The following ROBO1 variants were observed in gnomAD, a reference collection of about 807,000 sequenced individuals.
ROBO1 encodes roundabout homolog 1.
A neutral mutation model predicts 195.9 loss-of-function variants in ROBO1; 149 were observed. That is an observed-to-expected ratio of 0.76 (90% confidence interval 0.67 to 0.87). ROBO1 has a LOEUF of 0.87. Ranked by LOEUF, ROBO1 falls within the 40% of genes least tolerant of loss-of-function variation. ROBO1 has a pLI of 0.00. For missense variants in ROBO1, 1,933 were observed against 2,068.3 expected, an observed-to-expected ratio of 0.93 and a Z score of 1.27; for synonymous variants, 816 against 733.2, an observed-to-expected ratio of 1.11 and a Z score of -1.82.
At chr3:78,717,200 G>A (rs779779720) in intron 7 of ROBO1, 75 bp downstream of exon 7, 17 of 1,433,318 alleles carry the variant, frequency 1.2e-5, no homozygotes, top group South Asian at 2.9e-5. Flanking sequence ...CTAATGGCCC[G>A]GATGTGGAGA....
rs2038845035 is a variant in ROBO1, at chr3:78,919,989, A to G, written c.499+18612T>C. On this transcript the variant is annotated intron_variant, in intron 4 of 30. Coordinates refer to ENST00000464233, the MANE Select transcript of ROBO1 (RefSeq NM_002941.4). ...AAAATGTAATAGTTTCATGTGTAAGAAGGAATTAAATGTAAAACAATCCTA... is the reference window on the plus strand; with the variant it reads ...AAAATGTAATAGTTTCATGTGTAAGGAGGAATTAAATGTAAAACAATCCTA... 2.6e-5 allele frequency among the ~76,000 whole-genome samples: 4 copies of G among 152,228 alleles called. No homozygotes were observed. The South Asian group carries it at 8.3e-4, about 31-fold the overall frequency.
At chr3:78,930,709 C>T (rs76296090) in intron 4 of ROBO1, among the ~76,000 whole-genome samples, 16,273 of 152,110 alleles carry the variant, frequency 0.11, 1,224 homozygotes, top group Non-Finnish European at 0.15. Context: ...CAAATCTAAT[C>T]CTCTCTTTTC....
intron 2 of ROBO1, among the ~76,000 whole-genome samples, chr3:79,138,333 T>G (rs2080456624): frequency 6.6e-6 from 1 of 152,108 alleles, no homozygotes. Context: ...TGGGCCATAG[T>G]TTTGTTGGAA....
intron 3 of ROBO1, among the ~76,000 whole-genome samples, chr3:78,959,881 T>C (rs1393106684): frequency 6.6e-6 from 1 of 152,148 alleles, no homozygotes; most frequent in Non-Finnish European, 1.5e-5. Context: ...ACAACTGGGG[T>C]TAGCTTGGAG....
chr3:78,721,929 AC>A (rs2082054237), intron 5 of ROBO1, among the ~76,000 whole-genome samples: 1 of 152,172 alleles, frequency 6.6e-6, no homozygotes, highest in Non-Finnish European at 1.5e-5. Flanking sequence ...GATTTAGTTA[AC>A]AAGAGTAATG....
At chr3:79,183,377 G>C (rs898818998) in intron 2 of ROBO1, among the ~76,000 whole-genome samples, 1 of 152,106 alleles carries the variant, frequency 6.6e-6, no homozygotes, top group Non-Finnish European at 1.5e-5. Context: ...CAAGTTGAGG[G>C]CAAGTTTATC....
At chr3:78,697,022 CCT>C (rs892427192) in intron 8 of ROBO1, among the ~76,000 whole-genome samples, 19 of 141,846 alleles carry the variant, frequency 1.3e-4, no homozygotes, top group Admixed American at 2.9e-4. Flanking sequence ...CAAGAACCCC[CCT>C]GTCTCTCTCT....
intron 2 of ROBO1, among the ~76,000 whole-genome samples, chr3:79,532,048 G>T (rs182903144): frequency 3.3e-5 from 5 of 152,254 alleles, no homozygotes; most frequent in Admixed American, 2.6e-4. Flanking sequence ...GGATCATTTA[G>T]TCAAGGTAAA....
intron 2 of ROBO1, among the ~76,000 whole-genome samples, chr3:79,306,873 C>A (rs1200987980): frequency 6.6e-6 from 1 of 152,118 alleles, no homozygotes; most frequent in African/African-American, 2.4e-5. Flanking sequence ...AATATTTCCA[C>A]ATTTGCTTAC....
chr3:79,223,828 T>TA (rs1455692968), intron 2 of ROBO1, among the ~76,000 whole-genome samples: 3 of 152,198 alleles, frequency 2.0e-5, no homozygotes, highest in African/African-American at 7.2e-5. Context: ...CAGTCGGTCT[T>TA]ACGTAGATGA....
At chr3:79,022,246 C>T (rs2078117882) in intron 3 of ROBO1, among the ~76,000 whole-genome samples, 1 of 152,108 alleles carries the variant, frequency 6.6e-6, no homozygotes, top group African/African-American at 2.4e-5. Context: ...CAAATAAACA[C>T]TTAGTGAACA....
chr3:79,659,966 C>T (rs373452210), intron 1 of ROBO1, among the ~76,000 whole-genome samples: 9 of 152,116 alleles, frequency 5.9e-5, no homozygotes, highest in Non-Finnish European at 1.2e-4. Flanking sequence ...TATATGCAAG[C>T]GTCCCTCAAA....
chr3:78,790,348 CAT>C (rs200140485), intron 4 of ROBO1, among the ~76,000 whole-genome samples: 22 of 151,740 alleles, frequency 1.4e-4, no homozygotes, highest in African/African-American at 5.1e-4. Context: ...ATAGTAGGTA[CAT>C]ATATATATAT....
chr3:79,092,779 G>T (rs943811205), intron 3 of ROBO1, among the ~76,000 whole-genome samples: 11 of 152,052 alleles, frequency 7.2e-5, no homozygotes, highest in African/African-American at 2.7e-4. Flanking sequence ...TCAATTATCA[G>T]TGACTACCCA....
intron 1 of ROBO1, among the ~76,000 whole-genome samples, chr3:79,694,639 A>G (rs1320994722): frequency 6.6e-6 from 1 of 151,776 alleles, no homozygotes; most frequent in African/African-American, 2.4e-5. Flanking sequence ...ATTAGTAAAT[A>G]ATTTACATTC....
rs903630833 is a variant in ROBO1 at position 79,139,613 on chromosome 3, C to A, written c.89-14074G>T. On this transcript the variant is annotated intron_variant, in intron 2 of 30. Transcript: ENST00000464233. The stretch of plus-strand genomic sequence containing the variant: ...CTGCATTTATTCAAAATCCTCAAAT[C>A]AAATCCTCAATAATATCTGATGTGA... Among the ~76,000 whole-genome samples the A allele has an allele frequency of 2.0e-5, 3 of 152,196 alleles. No individual in the cohort carries two copies. The East Asian group carries it at 5.8e-4, about 29-fold the overall frequency.
At chr3:78,619,225 A>G (rs1159493113) in intron 26 of ROBO1, among the ~76,000 whole-genome samples, 1 of 152,102 alleles carries the variant, frequency 6.6e-6, no homozygotes. Context: ...TAAAGAGGAT[A>G]GATTCTACAC....
intron 1 of ROBO1, among the ~76,000 whole-genome samples, chr3:79,638,094 C>G (rs1406028072): frequency 1.3e-5 from 2 of 152,132 alleles, no homozygotes; most frequent in Non-Finnish European, 2.9e-5. Flanking sequence ...TCAATAGATT[C>G]AGACTACTCC....
chr3:79,618,802 T>C (rs1484027837), intron 1 of ROBO1, among the ~76,000 whole-genome samples: 1 of 152,130 alleles, frequency 6.6e-6, no homozygotes, highest in African/African-American at 2.4e-5. Context: ...ATCTCACCAA[T>C]TTCAAATTGG....
Sources: gnomAD v4.1 joint callset for allele counts (sites outside exome capture counted in the v4.1 genomes callset) on GRCh38, gnomAD v4.1.1 for gene constraint, MANE v1.5 for transcripts, NCBI Gene and HGNC (gene_info 2026-07-23, HGNC 2026-07-21) for gene names.